The following MYO5C variants were observed in gnomAD, a reference collection of about 807,000 sequenced individuals.
MYO5C encodes unconventional myosin-Vc.
A neutral mutation model predicts 235.7 loss-of-function variants in MYO5C; 194 were observed. That is an observed-to-expected ratio of 0.82 (90% CI 0.73 to 0.93). MYO5C has a LOEUF of 0.93. Among genes scored for constraint, MYO5C ranks in the 40% least tolerant of loss-of-function variants. MYO5C has a pLI of 0.00. For missense variants in MYO5C, 2,038 were observed against 2,127.2 expected (o/e 0.96, Z 0.82); for synonymous variants, 707 against 754.8 (o/e 0.94, Z 1.04).
intron 21 of MYO5C, 87 bp downstream of exon 21, chr15:52,239,646 T>G: frequency 7.0e-7 from 1 of 1,425,372 alleles, no homozygotes; most frequent in Admixed American, 2.3e-5. Flanking sequence ...GGCATAAATT[T>G]TAATAGCACA....
Position 52,205,886 on chromosome 15 carries a change from G to T in MYO5C, c.4467C>A (p.Leu1489=). ...NFDLSEYRQI[L]SDVAIRIYHQ... ...GATATATTCGTATAGCCACATCACT[G>T]AGAATCTGTCTGTATTCTGAAAGGT... The change falls in exon 37 of 41, where the codon CTC becomes CTA. Residue 1489 remains leucine (L), a synonymous_variant. Coordinates refer to ENST00000261839, the MANE Select transcript of MYO5C (RefSeq NM_018728.4). 1 of 1,595,434 alleles carries T rather than the reference G, an allele frequency of 6.3e-7. No homozygotes were observed.
rs376935726 is a variant in MYO5C, at chr15:52,256,595, G to A, written c.1395+44C>T. 1.3e-3 allele frequency: 1,731 copies of A among 1,354,768 alleles called. 21 individuals carry two copies. In the African/African-American group the frequency reaches 0.034, roughly 27 times the overall value. The allele number at this position is 1,354,768 out of a possible 1,614,324, so 83.9% of individuals were successfully genotyped here. A position where few individuals can be genotyped will look rare whatever the true frequency, so the allele number is the denominator to read the frequency against. On this transcript the variant is annotated intron_variant, in intron 11 of 40. Transcript: ENST00000261839. ...CACACACACACACACACACGCGCGC[G>A]CGCGCGGCTGAGAACTAGTCAAGAA... is the stretch of plus-strand genomic sequence containing the variant.
At chr15:52,223,293 A>G (rs919825195) in intron 29 of MYO5C, among the ~76,000 whole-genome samples, 2 of 152,176 alleles carry the variant, frequency 1.3e-5, no homozygotes, top group African/African-American at 4.8e-5. Context: ...TTTAAAACAT[A>G]CACACTTACG....
At chr15:52,194,230 G>A (rs947725531) in intron 40 of MYO5C, among the ~76,000 whole-genome samples, 176 bp from the exon 41 acceptor site, 57 of 152,180 alleles carry the variant, frequency 3.7e-4, no homozygotes, top group Non-Finnish European at 5.9e-5. Flanking sequence ...TCTATCCAGG[G>A]CTTCCAGATC....
chr15:52,247,963 G>A (rs1477525568), intron 14 of MYO5C, among the ~76,000 whole-genome samples: 1 of 151,954 alleles, frequency 6.6e-6, no homozygotes, highest in South Asian at 2.1e-4. Context: ...CCCTACCCAG[G>A]AATCTCTTAA....
At position 52,261,048 on chromosome 15, in the gene MYO5C, C is replaced by T. The variant is rs199654190; in HGVS notation, c.1127G>A (p.Arg376His). The T allele has an allele frequency of 5.0e-6, 8 of 1,614,194 alleles. No individual in the cohort carries two copies. Among genetic ancestry groups the T allele is most frequent in the South Asian group, 4.4e-5 (4 of 91,082 alleles). Residue 376 changes from arginine to histidine, a missense_variant, in exon 10 of 41, where the codon CGC (arginine) becomes CAC (histidine). Transcript: ENST00000261839. ...CGTCTCAGAGCTTGTGACGATTTTG[C>T]GATTGCACAGCCACTGAGCAACTCT... ...SGRVAQWLCN[R>H]KIVTSSETVV...
Position 52,253,320 on chromosome 15 carries a change from ACATTCTTC to A in MYO5C, c.1525_1532del (p.Glu509PhefsTer7). ...AACAATTATTCTTAAAAGTTACCAA[ACATTCTTC>A]ATCCAGTAACTCCAGAATTCCCATT... is the stretch of plus-strand genomic sequence containing the variant. On this transcript the variant is annotated frameshift_variant, in exon 12 of 41. Coordinates refer to ENST00000261839, the MANE Select transcript of MYO5C (RefSeq NM_018728.4). LOFTEE classifies it high-confidence loss of function. 1 of 1,604,004 alleles carries A rather than the reference ACATTCTTC, an allele frequency of 6.2e-7. No individual in the cohort carries two copies. The highest frequency in any genetic ancestry group is 8.5e-7 in the Non-Finnish European group (1 of 1,176,620).
chr15:52,261,256 C>G (rs12903919), intron 9 of MYO5C, 129 bp from the exon 10 acceptor site: 727,794 of 1,081,412 alleles, frequency 0.67, 266,725 homozygotes, highest in Non-Finnish European at 0.76. Context: ...CACAAGGACG[C>G]CCAGCCTCAG....
At chr15:52,196,530 C>T (rs2035056493) in intron 38 of MYO5C, 47 bp from the exon 39 acceptor site, 3 of 1,569,874 alleles carry the variant, frequency 1.9e-6, no homozygotes, top group Non-Finnish European at 2.6e-6. Flanking sequence ...GGAAGGGTGC[C>T]AGATACTCCT....
chr15:52,260,984 G>C lies in MYO5C; in HGVS notation c.1191C>G (p.Ala397=). The C allele has an allele frequency of 6.2e-7, 1 of 1,614,208 alleles. No homozygotes were observed. Among genetic ancestry groups the C allele is most frequent in the Non-Finnish European group, 8.5e-7 (1 of 1,180,032 alleles). Residue 397 remains alanine, a synonymous_variant, in exon 10 of 41, where the codon GCC becomes GCG. Coordinates refer to ENST00000261839, the MANE Select transcript of MYO5C (RefSeq NM_018728.4). ...KPMTRPQAVN[A]RDALAKKIYA... ...AGATCTTTTTGGCCAGTGCATCCCTGGCGTTGACAGCCTGAGGCCTGGTCA... is the reference window on the plus strand; with the variant it reads ...AGATCTTTTTGGCCAGTGCATCCCTCGCGTTGACAGCCTGAGGCCTGGTCA...
chr15:52,251,046 C>A (rs553089174), intron 13 of MYO5C: 87 of 162,840 alleles, frequency 5.3e-4, no homozygotes, highest in African/African-American at 2.0e-3. Flanking sequence ...AATAGAACTT[C>A]AGAAAAAAAT....
chr15:52,279,744 C>T (rs2037127980), intron 2 of MYO5C, 70 bp from the exon 3 acceptor site: 3 of 1,457,576 alleles, frequency 2.1e-6, no homozygotes, highest in Admixed American at 4.0e-5. Flanking sequence ...AAGCACTGTC[C>T]TTTGTCCTAT....
intron 38 of MYO5C, 62 bp from the exon 39 acceptor site, chr15:52,196,545 G>A: frequency 6.6e-7 from 1 of 1,509,146 alleles, no homozygotes; most frequent in Non-Finnish European, 9.0e-7. Flanking sequence ...ACTCCTGTGT[G>A]TCCCGAGAGG....
At position 52,224,958 on chromosome 15, in the gene MYO5C, T is replaced by C; in HGVS notation, c.3389A>G (p.His1130Arg). The C allele has an allele frequency of 6.2e-7, 1 of 1,614,074 alleles. No individual in the cohort carries two copies. Among genetic ancestry groups the C allele is most frequent in the Non-Finnish European group, 8.5e-7 (1 of 1,179,976 alleles). Reference sequence around the variant, plus strand: ...CCAAAGTTCTCCATCCTCATTTAAATGTTCCAGATCTTCCACAGAGAGCCT... The same window carrying C: ...CCAAAGTTCTCCATCCTCATTTAAACGTTCCAGATCTTCCACAGAGAGCCT... Reference protein sequence around the residue: ...RSRLSVEDLEHLNEDGELWFA... With the variant: ...RSRLSVEDLERLNEDGELWFA... Residue 1130 changes from histidine (H) to arginine (R), a missense_variant, in exon 28 of 41, where the codon CAT becomes CGT. Coordinates refer to ENST00000261839, the MANE Select transcript of MYO5C (RefSeq NM_018728.4).
chr15:52,272,722 G>T lies in MYO5C; in HGVS notation c.608C>A (p.Ala203Asp). The change falls in exon 6 of 41, where the codon GCC becomes GAC. Residue 203 changes from alanine (A) to aspartate (D), a missense_variant and splice_region_variant. Ala to Asp is a moderately radical substitution (Grantham distance 126). Transcript: ENST00000261839. ...KVLASNPITE[A>D]VGNAKTTRND... ...GCGGGTGGTCTTGGCATTTCCAACGGCCTAAAAAAAATAAGACTCTATTGA... is the reference window on the plus strand; with the variant it reads ...GCGGGTGGTCTTGGCATTTCCAACGTCCTAAAAAAAATAAGACTCTATTGA... 1 of 1,608,986 alleles carries T rather than the reference G, an allele frequency of 6.2e-7. No homozygotes were observed. The highest frequency in any genetic ancestry group is 8.5e-7 in the Non-Finnish European group (1 of 1,178,702).
chr15:52,218,453 A>T (rs2035602155), intron 32 of MYO5C, 66 bp downstream of exon 32: 2 of 1,466,356 alleles, frequency 1.4e-6, no homozygotes, highest in Non-Finnish European at 1.9e-6. Context: ...TTTAGGTGGC[A>T]TGTCCCCCCT....
intron 25 of MYO5C, among the ~76,000 whole-genome samples, chr15:52,227,315 C>T (rs924317605): frequency 3.3e-5 from 5 of 150,288 alleles, no homozygotes; most frequent in Admixed American, 6.6e-5. Context: ...CTGCCTCAGC[C>T]TCCCGAGTAG....
At chr15:52,253,672 G>A (rs2036519812) in intron 11 of MYO5C, among the ~76,000 whole-genome samples, 1 of 152,190 alleles carries the variant, frequency 6.6e-6, no homozygotes, top group African/African-American at 2.4e-5. Context: ...AGTCTGAGTG[G>A]GTCTCTACCT....
At chr15:52,195,079 C>G (rs2035016424) in intron 40 of MYO5C, among the ~76,000 whole-genome samples, 2 of 152,122 alleles carry the variant, frequency 1.3e-5, no homozygotes, top group Non-Finnish European at 2.9e-5. Flanking sequence ...GTCTCTGTTT[C>G]CATTCAGCCT....
Sources: allele counts gnomAD v4.1 joint callset (sites outside exome capture counted in the v4.1 genomes callset), GRCh38; gene constraint gnomAD v4.1.1; transcripts MANE v1.5; gene names NCBI Gene and HGNC (gene_info 2026-07-23, HGNC 2026-07-21).